The following SLC10A7 variants were observed in gnomAD, a reference collection of about 807,000 sequenced individuals.
SLC10A7 encodes sodium/bile acid cotransporter 7.
A neutral mutation model predicts 43.2 loss-of-function variants in SLC10A7; 29 were observed. The observed-to-expected ratio is 0.67, with a 90% CI of 0.50 to 0.92. The LOEUF is 0.92. Among genes scored for constraint, SLC10A7 ranks in the 40% least tolerant of loss-of-function variants. The probability of loss-of-function intolerance (pLI) is 0.00; values close to 1 mark genes in which losing one functional copy is unlikely to be tolerated. For missense variants in SLC10A7, 295 were observed against 403.2 expected (o/e 0.73, Z 2.30); for synonymous variants, 152 against 144.8 (o/e 1.05, Z -0.35).
intron 5 of SLC10A7, among the ~76,000 whole-genome samples, chr4:146,330,564 G>T (rs1268122209): frequency 6.6e-6 from 1 of 152,138 alleles, no homozygotes. Context: ...CTTTTCAGTT[G>T]CATTAGGAAA....
At chr4:146,333,371 C>T (rs951182607) in intron 5 of SLC10A7, among the ~76,000 whole-genome samples, 16 of 152,122 alleles carry the variant, frequency 1.1e-4, no homozygotes, top group Non-Finnish European at 2.1e-4. Flanking sequence ...GACACATACA[C>T]AATCAATGCC....
At chr4:146,460,664 T>G (rs545368331) in intron 4 of SLC10A7, among the ~76,000 whole-genome samples, 1 of 152,134 alleles carries the variant, frequency 6.6e-6, no homozygotes, top group East Asian at 1.9e-4. Flanking sequence ...TGTCAAGGAC[T>G]GCAGGTAGAG....
chr4:146,469,878 C>T lies in SLC10A7; in HGVS notation c.397-27057G>A, dbSNP rs187264268. ...TAACTCCTGGCCCAAGTGACCCTCC[C>T]GCCTCGGCCACCTCCCAAATGCTGG... On this transcript the variant is annotated intron_variant, in intron 4 of 11. Transcript: ENST00000335472. Among the ~76,000 whole-genome samples the T allele has an allele frequency of 1.1e-4, 16 of 152,210 alleles. No individual in the cohort carries two copies. In the East Asian group the frequency reaches 1.4e-3, roughly 13 times the overall value.
chr4:146,307,799 C>T (rs2149684197), intron 6 of SLC10A7, among the ~76,000 whole-genome samples: 1 of 152,172 alleles, frequency 6.6e-6, no homozygotes, highest in East Asian at 1.9e-4. Context: ...TCCCTGGCTC[C>T]TCTTTCTATC....
At chr4:146,327,905 C>G (rs1449067641) in intron 5 of SLC10A7, among the ~76,000 whole-genome samples, 1 of 151,704 alleles carries the variant, frequency 6.6e-6, no homozygotes, top group Non-Finnish European at 1.5e-5. Flanking sequence ...ATCTGAGGGT[C>G]TGGAGATCAA....
intron 5 of SLC10A7, among the ~76,000 whole-genome samples, chr4:146,350,180 G>A (rs1288941690): frequency 5.7e-5 from 8 of 140,630 alleles, no homozygotes; most frequent in South Asian, 2.4e-4. Flanking sequence ...TGCGCGCACC[G>A]TGCGCTAGCC....
chr4:146,297,367 C>A (rs895237200), intron 7 of SLC10A7, among the ~76,000 whole-genome samples: 17 of 152,098 alleles, frequency 1.1e-4, no homozygotes, highest in African/African-American at 4.1e-4. Flanking sequence ...ATAAATGGAG[C>A]CACATATCAA....
chr4:146,425,304 T>C (rs1403960438), intron 5 of SLC10A7, among the ~76,000 whole-genome samples: 1 of 152,236 alleles, frequency 6.6e-6, no homozygotes, highest in Non-Finnish European at 1.5e-5. Flanking sequence ...GGATTAAATA[T>C]ATAATTGCAA....
In SLC10A7 at chr4:146,521,720, T is replaced by C. The variant is rs1483338283; in HGVS notation, c.-3A>G. 6.2e-7 allele frequency: 1 copy of C among 1,612,850 alleles called. No homozygotes were observed. The highest frequency in any genetic ancestry group is 2.2e-5 in the East Asian group (1 of 44,894). On this transcript the variant is annotated 5_prime_UTR_variant, in exon 1 of 12. Transcript: ENST00000335472. ...CTCATTCTCTCCAGCAGCCTCATAT[T>C]TGTTAGGGTGGGTGGGTTTTGTTTA...
intron 7 of SLC10A7, among the ~76,000 whole-genome samples, chr4:146,300,808 T>C (rs988168112): frequency 6.6e-6 from 1 of 152,216 alleles, no homozygotes; most frequent in Non-Finnish European, 1.5e-5. Context: ...TTTCAGGTGA[T>C]GACTAGGAAA....
At chr4:146,458,826 T>G (rs1732296950) in intron 4 of SLC10A7, among the ~76,000 whole-genome samples, 1 of 151,890 alleles carries the variant, frequency 6.6e-6, no homozygotes, top group South Asian at 2.1e-4. Context: ...TTTAAAACTC[T>G]CTTTACTTAT....
chr4:146,298,975 T>C (rs1160854329), intron 7 of SLC10A7, among the ~76,000 whole-genome samples: 1 of 152,174 alleles, frequency 6.6e-6, no homozygotes, highest in Non-Finnish European at 1.5e-5. Flanking sequence ...AAAAGAAGTA[T>C]TGTCTGGGGA....
chr4:146,261,504 T>C (rs1223829185), intron 10 of SLC10A7, among the ~76,000 whole-genome samples: 1 of 152,250 alleles, frequency 6.6e-6, no homozygotes, highest in Admixed American at 6.5e-5. Flanking sequence ...TCCAACACTA[T>C]TTAATCAATT....
At chr4:146,517,832 C>A (rs1210444094) in intron 1 of SLC10A7, among the ~76,000 whole-genome samples, 2 of 152,134 alleles carry the variant, frequency 1.3e-5, no homozygotes, top group Non-Finnish European at 2.9e-5. Context: ...TATTTCATTT[C>A]TTCTAGGATA....
At chr4:146,323,866 A>C (rs1732915655) in intron 6 of SLC10A7, among the ~76,000 whole-genome samples, 1 of 152,164 alleles carries the variant, frequency 6.6e-6, no homozygotes, top group African/African-American at 2.4e-5. Context: ...TCAATTAGGA[A>C]AAGAGGAAGT....
At chr4:146,355,241 C>T (rs1273041368) in intron 5 of SLC10A7, among the ~76,000 whole-genome samples, 2 of 152,088 alleles carry the variant, frequency 1.3e-5, no homozygotes, top group Admixed American at 1.3e-4. Flanking sequence ...CATGAACAGA[C>T]ACTTCTCAAA....
chr4:146,488,496 A>T (rs1243606977), intron 4 of SLC10A7, among the ~76,000 whole-genome samples: 1 of 152,242 alleles, frequency 6.6e-6, no homozygotes, highest in Non-Finnish European at 1.5e-5. Context: ...AAAATTAAGG[A>T]GGGAAAAAAA....
intron 10 of SLC10A7, among the ~76,000 whole-genome samples, chr4:146,276,958 A>G (rs1322702396): frequency 1.3e-5 from 2 of 152,070 alleles, no homozygotes; most frequent in Non-Finnish European, 2.9e-5. Flanking sequence ...TCTAAAAAAA[A>G]AAAATCCACT....
chr4:146,411,151 T>C, intron 5 of SLC10A7, among the ~76,000 whole-genome samples: 1 of 152,090 alleles, frequency 6.6e-6, no homozygotes, highest in East Asian at 1.9e-4. Context: ...ACCTTTAAAA[T>C]GAGGATTGCT....
Sources: gnomAD v4.1 joint callset for allele counts (sites outside exome capture counted in the v4.1 genomes callset) on GRCh38, gnomAD v4.1.1 for gene constraint, MANE v1.5 for transcripts, NCBI Gene and HGNC (gene_info 2026-07-23, HGNC 2026-07-21) for gene names.